The following NXPH1 variants were observed in gnomAD, a reference collection of about 807,000 sequenced individuals.
NXPH1 encodes neurexophilin 1.
Under a neutral mutation model 23.7 loss-of-function variants are expected in NXPH1, and 5 were observed. The ratio of observed to expected loss-of-function variants is 0.21; its 90% CI spans 0.11 to 0.44. NXPH1 has a LOEUF of 0.44. Among genes scored for constraint, NXPH1 ranks in the 20% least tolerant of loss-of-function variants. The pLI is 0.99. For missense variants in NXPH1, 324 were observed against 321.6 expected (o/e 1.01, Z -0.06); for synonymous variants, 144 against 122.2 (o/e 1.18, Z -1.18).
At chr7:8,582,400 C>A (rs1343735664) in intron 2 of NXPH1, among the ~76,000 whole-genome samples, 1 of 152,156 alleles carries the variant, frequency 6.6e-6, no homozygotes, top group African/African-American at 2.4e-5. Context: ...TGTGCACACC[C>A]AACTGGAGGG....
intron 2 of NXPH1, among the ~76,000 whole-genome samples, chr7:8,574,734 G>T (rs913070621): frequency 6.6e-6 from 1 of 152,066 alleles, no homozygotes; most frequent in African/African-American, 2.4e-5. Context: ...CTTGGATTCC[G>T]TCTCCTGCTG....
intron 2 of NXPH1, among the ~76,000 whole-genome samples, chr7:8,468,048 T>C (rs565902148): frequency 6.6e-6 from 1 of 152,248 alleles, no homozygotes; most frequent in South Asian, 2.1e-4. Flanking sequence ...GATCCATCCA[T>C]ACTCCATTTA....
intron 2 of NXPH1, among the ~76,000 whole-genome samples, chr7:8,601,706 A>G (rs1325540833): frequency 6.6e-6 from 1 of 152,200 alleles, no homozygotes; most frequent in East Asian, 1.9e-4. Flanking sequence ...ACAGGAAGTC[A>G]CTGTGACCTT....
At chr7:8,663,939 G>A (rs953114870) in intron 2 of NXPH1, among the ~76,000 whole-genome samples, 8 of 152,024 alleles carry the variant, frequency 5.3e-5, no homozygotes, top group African/African-American at 1.9e-4. Flanking sequence ...CATGTATGAT[G>A]CTTTAACTTT....
At chr7:8,701,198 C>T (rs950723828) in intron 2 of NXPH1, among the ~76,000 whole-genome samples, 1 of 152,064 alleles carries the variant, frequency 6.6e-6, no homozygotes, top group African/African-American at 2.4e-5. Flanking sequence ...TCCATAACTC[C>T]TGCTTCTCTT....
At chr7:8,597,023 A>G (rs930539237) in intron 2 of NXPH1, among the ~76,000 whole-genome samples, 1 of 152,108 alleles carries the variant, frequency 6.6e-6, no homozygotes, top group Non-Finnish European at 1.5e-5. Flanking sequence ...ACCTTGGTAA[A>G]GCACTGAGGA....
At chr7:8,470,738 T>A (rs1257381358) in intron 2 of NXPH1, among the ~76,000 whole-genome samples, 1 of 152,186 alleles carries the variant, frequency 6.6e-6, no homozygotes, top group East Asian at 1.9e-4. Context: ...TCAAATTCTT[T>A]AAAATGTCCT....
At chr7:8,609,469 T>C (rs1007129417) in intron 2 of NXPH1, among the ~76,000 whole-genome samples, 2 of 152,210 alleles carry the variant, frequency 1.3e-5, no homozygotes, top group Non-Finnish European at 2.9e-5. Flanking sequence ...GCTGGTATTA[T>C]GCAAATGGAT....
chr7:8,516,932 C>T (rs976722688), intron 2 of NXPH1, among the ~76,000 whole-genome samples: 2 of 152,094 alleles, frequency 1.3e-5, no homozygotes, highest in Non-Finnish European at 2.9e-5. Context: ...TTAGGGGCTT[C>T]TGTTTTTGTT....
intron 2 of NXPH1, among the ~76,000 whole-genome samples, chr7:8,461,690 C>T (rs1250684226): frequency 1.3e-5 from 2 of 150,236 alleles, no homozygotes; most frequent in East Asian, 2.0e-4. Context: ...ATTAGCCGGG[C>T]GCGGTGGCGG....
intron 2 of NXPH1, among the ~76,000 whole-genome samples, chr7:8,728,892 T>G (rs1357542535): frequency 6.6e-6 from 1 of 151,578 alleles, no homozygotes; most frequent in Non-Finnish European, 1.5e-5. Context: ...TTCTATTGAT[T>G]GGAATAGTTT....
chr7:8,534,289 T>G (rs915960149), intron 2 of NXPH1, among the ~76,000 whole-genome samples: 1 of 152,114 alleles, frequency 6.6e-6, no homozygotes, highest in Admixed American at 6.6e-5. Flanking sequence ...CTAGTACCCT[T>G]CAGAGCCATA....
intron 2 of NXPH1, among the ~76,000 whole-genome samples, chr7:8,683,670 T>C (rs376369133): frequency 9.2e-5 from 14 of 152,068 alleles, no homozygotes; most frequent in Admixed American, 6.6e-4. Context: ...ATCTATTAGG[T>C]TGGCACAAAA....
chr7:8,626,835 T>G (rs560753423), intron 2 of NXPH1, among the ~76,000 whole-genome samples: 14 of 152,066 alleles, frequency 9.2e-5, no homozygotes, highest in Non-Finnish European at 1.8e-4. Context: ...CTTCTCTTAT[T>G]CTTGGGACAC....
At chr7:8,643,479 A>G (rs1394194919) in intron 2 of NXPH1, among the ~76,000 whole-genome samples, 2 of 152,110 alleles carry the variant, frequency 1.3e-5, no homozygotes, top group Admixed American at 1.3e-4. Flanking sequence ...TGATCAGGTT[A>G]TGTTAGCCTT....
chr7:8,690,850 C>T (rs550867891), intron 2 of NXPH1, among the ~76,000 whole-genome samples: 1 of 152,274 alleles, frequency 6.6e-6, no homozygotes, highest in Admixed American at 6.5e-5. Flanking sequence ...CCTTTCCTGG[C>T]CCACTGACTT....
intron 2 of NXPH1, among the ~76,000 whole-genome samples, chr7:8,673,641 G>C (rs1410730871): frequency 6.6e-6 from 1 of 151,964 alleles, no homozygotes; most frequent in Admixed American, 6.6e-5. Flanking sequence ...AATAATAATA[G>C]TTCTGTGCTT....
chr7:8,549,923 G>T (rs1017537194), intron 2 of NXPH1, among the ~76,000 whole-genome samples: 1 of 151,494 alleles, frequency 6.6e-6, no homozygotes, highest in Non-Finnish European at 1.5e-5. Flanking sequence ...AATTATACTG[G>T]TTTCCTTAGG....
chr7:8,521,252 C>A (rs1003384620), intron 2 of NXPH1, among the ~76,000 whole-genome samples: 5 of 152,162 alleles, frequency 3.3e-5, no homozygotes, highest in African/African-American at 1.2e-4. Context: ...ACCTGCTTGG[C>A]ATCACTGATG....
Sources: allele counts gnomAD v4.1 joint callset (sites outside exome capture counted in the v4.1 genomes callset), GRCh38; gene constraint gnomAD v4.1.1; transcripts MANE v1.5; gene names NCBI Gene and HGNC (gene_info 2026-07-23, HGNC 2026-07-21).